SCP2: variants seen among roughly 807,000 people sequenced by gnomAD.
SCP2 encodes sterol carrier protein 2, also known as SCP-2/3-oxoacyl-CoA thiolase.
A neutral mutation model predicts 71.4 loss-of-function variants in SCP2; 48 were observed. The ratio of observed to expected loss-of-function variants is 0.67; its 90% CI spans 0.53 to 0.86. The LOEUF is 0.86. SCP2 is among the 40% of genes least tolerant of loss of function. SCP2 has a pLI of 0.00. For missense variants in SCP2, 560 were observed against 655.6 expected (o/e 0.85, Z 1.59); for synonymous variants, 220 against 218.1 (o/e 1.01, Z -0.08).
chr1:52,975,332 C>T (rs557044315), intron 7 of SCP2, among the ~76,000 whole-genome samples: 3 of 152,298 alleles, frequency 2.0e-5, no homozygotes, highest in Admixed American at 6.5e-5. Flanking sequence ...AGGCACCTGC[C>T]ACAGCACCTG....
intron 3 of SCP2, among the ~76,000 whole-genome samples, chr1:52,949,363 G>A (rs1655090919): frequency 6.6e-6 from 1 of 152,176 alleles, no homozygotes; most frequent in Non-Finnish European, 1.5e-5. Flanking sequence ...TGGTGGTCAT[G>A]TTACTTGTGT....
At chr1:52,950,675 T>TG in intron 3 of SCP2, 80 bp from the exon 4 acceptor site, 1 of 1,179,540 alleles carries the variant, frequency 8.5e-7, no homozygotes, top group Non-Finnish European at 1.3e-6. Flanking sequence ...GGTATAATAT[T>TG]GAAAAAACCC....
intron 11 of SCP2, among the ~76,000 whole-genome samples, chr1:52,989,990 C>T (rs1000798037): frequency 7.2e-5 from 11 of 152,138 alleles, no homozygotes; most frequent in African/African-American, 2.7e-4. Context: ...TTGTAAACTG[C>T]CTGGCTGAGT....
intron 5 of SCP2, among the ~76,000 whole-genome samples, chr1:52,956,242 T>C (rs1376085750): frequency 1.3e-5 from 2 of 152,070 alleles, no homozygotes; most frequent in Admixed American, 1.3e-4. Flanking sequence ...AGGTGGAGGT[T>C]GTGGTGAGCC....
intron 6 of SCP2, among the ~76,000 whole-genome samples, chr1:52,968,842 C>T (rs372955240): frequency 1.3e-5 from 2 of 152,158 alleles, no homozygotes; most frequent in East Asian, 3.9e-4. Context: ...CTGCTCTTGA[C>T]CAGAAGCCTT....
intron 4 of SCP2, among the ~76,000 whole-genome samples, chr1:52,953,647 G>A (rs1318560035): frequency 6.6e-6 from 1 of 151,892 alleles, no homozygotes; most frequent in Non-Finnish European, 1.5e-5. Flanking sequence ...CACCTGGCCC[G>A]ATTTTTCCTC....
intron 6 of SCP2, among the ~76,000 whole-genome samples, chr1:52,972,536 G>T (rs1455089612): frequency 2.6e-5 from 4 of 152,158 alleles, no homozygotes; most frequent in Non-Finnish European, 5.9e-5. Context: ...TCTATGCATG[G>T]ATTGCTTGCA....
At chr1:53,003,874 G>A (rs974688038) in intron 11 of SCP2, among the ~76,000 whole-genome samples, 69 of 152,154 alleles carry the variant, frequency 4.5e-4, no homozygotes, top group African/African-American at 1.5e-3. Flanking sequence ...CATTGTTACT[G>A]TAGATCTTAG....
chr1:53,029,975 A>G (rs111849363), intron 13 of SCP2, among the ~76,000 whole-genome samples: 15,111 of 150,750 alleles, frequency 0.1, 1,463 homozygotes, highest in African/African-American at 0.22. Flanking sequence ...TGCAACCTCC[A>G]CCTCCCGGGT....
At chr1:52,943,886 G>T in intron 2 of SCP2, 1 of 447,068 alleles carries the variant, frequency 2.2e-6, no homozygotes. Context: ...CTTCCTGGAT[G>T]CTTTACCAGT....
At chr1:53,008,049 G>A (rs932762667) in intron 11 of SCP2, among the ~76,000 whole-genome samples, 16 of 151,862 alleles carry the variant, frequency 1.1e-4, no homozygotes, top group Admixed American at 2.0e-4. Context: ...TAAATTCCTG[G>A]ACACATACAC....
At position 52,994,141 on chromosome 1, in the gene SCP2, G is replaced by T. The variant is rs377498178; in HGVS notation, c.1081+6005G>T. 1.1e-5 allele frequency: 12 copies of T among 1,053,076 alleles called. 1 individual carries two copies. In the South Asian group the frequency reaches 1.7e-4, roughly 15 times the overall value. 65.2% of individuals were successfully genotyped at this position (1,053,076 alleles called of 1,614,324 possible). A position where few individuals can be genotyped will look rare whatever the true frequency, so the allele number is the denominator to read the frequency against. Reference sequence around the variant, plus strand: ...AAACTGTTTTCTTTATTCCTCAAAAGAATTAGATCATACTTCAGTGTTGAT... The same window carrying T: ...AAACTGTTTTCTTTATTCCTCAAAATAATTAGATCATACTTCAGTGTTGAT... On this transcript the variant is annotated intron_variant, in intron 11 of 15. Transcript: ENST00000371514.
chr1:52,948,070 CTA>C lies in SCP2; in HGVS notation c.191_192del (p.Tyr64CysfsTer4), dbSNP rs2150121906. On this transcript the variant is annotated frameshift_variant, in exon 3 of 16. Transcript: ENST00000371514. LOFTEE classifies it high-confidence loss of function. ...CAGCAGTGGACCAGGCATGTGTTGG[CTA>C]TGTTTTTGGTATGTATTAAACTGTG... is the stretch of plus-strand genomic sequence containing the variant. Reference protein sequence around the residue: ...YSAVDQACVGYVFGDSTCGQR... With the variant: ...YSAVDQACVGXVFGDSTCGQR... 6.2e-7 allele frequency: 1 copy of C among 1,609,944 alleles called. No individual in the cohort carries two copies. Among genetic ancestry groups the C allele is most frequent in the Non-Finnish European group, 8.5e-7 (1 of 1,176,300 alleles).
intron 12 of SCP2, among the ~76,000 whole-genome samples, chr1:53,016,577 A>G (rs1224671406): frequency 2.6e-5 from 4 of 152,178 alleles, no homozygotes; most frequent in Non-Finnish European, 4.4e-5. Flanking sequence ...GTAAATTTGA[A>G]CTGAGATGAC....
At position 53,027,940 on chromosome 1, in the gene SCP2, C is replaced by T. The variant is rs1281828749; in HGVS notation, c.1236-29C>T. The T allele has an allele frequency of 2.4e-6, 3 of 1,270,766 alleles. No homozygotes were observed. The East Asian group carries it at 6.9e-5, about 29-fold the overall frequency. The allele number at this position is 1,270,766 out of a possible 1,614,324, so 78.7% of individuals were successfully genotyped here. ...GAAAAACCTAGTACCTATGTGACTC[C>T]ATGAATTGAAACAGTTTCTTTTCCC... On this transcript the variant is annotated intron_variant, in intron 12 of 15. Transcript: ENST00000371514.
At chr1:52,987,298 CAA>C (rs1659087546) in intron 10 of SCP2, among the ~76,000 whole-genome samples, 1 of 152,102 alleles carries the variant, frequency 6.6e-6, no homozygotes, top group Admixed American at 6.5e-5. Context: ...ATAATTAGAA[CAA>C]GAGCTGACCC....
At chr1:53,023,381 G>A (rs1167249972) in intron 12 of SCP2, among the ~76,000 whole-genome samples, 2 of 152,238 alleles carry the variant, frequency 1.3e-5, no homozygotes, top group Middle Eastern at 3.4e-3. Flanking sequence ...TTGATTTTAG[G>A]TCACATATTC....
chr1:53,027,857 C>T (rs1420202222), intron 12 of SCP2, 112 bp from the exon 13 acceptor site: 1 of 660,666 alleles, frequency 1.5e-6, no homozygotes, highest in African/African-American at 1.8e-5. Context: ...ATAAGATTTG[C>T]AACATCTCTG....
chr1:52,943,657 C>T, intron 2 of SCP2: 1 of 432,700 alleles, frequency 2.3e-6, no homozygotes, highest in South Asian at 1.8e-5. Context: ...TTACTTCTTG[C>T]AAAGCACCAA....
Sources: gnomAD v4.1 joint callset for allele counts (sites outside exome capture counted in the v4.1 genomes callset) on GRCh38, gnomAD v4.1.1 for gene constraint, MANE v1.5 for transcripts, NCBI Gene and HGNC (gene_info 2026-07-23, HGNC 2026-07-21) for gene names.